The following PDE6A variants were observed in gnomAD, a reference collection of about 807,000 sequenced individuals.
PDE6A encodes the protein phosphodiesterase 6A.
PDE6A carries 84 observed loss-of-function variants against 106.3 expected under a neutral mutation model. The ratio of observed to expected loss-of-function variants is 0.79; its 90% CI spans 0.66 to 0.95. The LOEUF is 0.95. PDE6A is among the 40% of genes least tolerant of loss of function. PDE6A has a pLI of 0.00. For synonymous variants in PDE6A, 394 were observed against 386.6 expected (o/e 1.02, Z -0.23); for missense variants, 1,052 against 1,084.9 (o/e 0.97, Z 0.43).
rs1489626798 is a variant in PDE6A, at chr5:149,899,535, A to C, written c.1114-11T>G. The stretch of plus-strand genomic sequence containing the variant: ...ATCCAGAGGTTCTTTCTACAAGAGA[A>C]GGGCTAGATTAGGTTTCCTCTTGTT... On this transcript the variant is annotated splice_polypyrimidine_tract_variant and intron_variant, in intron 8 of 21. Coordinates refer to ENST00000255266, the MANE Select transcript of PDE6A (RefSeq NM_000440.3). 1.2e-6 allele frequency: 2 copies of C among 1,613,830 alleles called. No homozygotes were observed. Among genetic ancestry groups the C allele is most frequent in the South Asian group, 2.2e-5 (2 of 91,076 alleles).
At chr5:149,871,123 T>C (rs1250860226) in intron 17 of PDE6A, among the ~76,000 whole-genome samples, 1 of 152,124 alleles carries the variant, frequency 6.6e-6, no homozygotes, top group Non-Finnish European at 1.5e-5. Flanking sequence ...ACCTTTAATA[T>C]GATGCTATTA....
chr5:149,937,603 C>T (rs1276586523), intron 1 of PDE6A, among the ~76,000 whole-genome samples: 1 of 152,132 alleles, frequency 6.6e-6, no homozygotes. Context: ...GTCCTGAACA[C>T]CTGGGCTCAA....
At chr5:149,915,642 C>T (rs886448014) in intron 5 of PDE6A, among the ~76,000 whole-genome samples, 1 of 152,136 alleles carries the variant, frequency 6.6e-6, no homozygotes, top group South Asian at 2.1e-4. Context: ...GATAGGAAAT[C>T]CTCTAAGAGG....
At chr5:149,929,421 A>G (rs933333683) in intron 4 of PDE6A, among the ~76,000 whole-genome samples, 9 of 152,150 alleles carry the variant, frequency 5.9e-5, no homozygotes, top group African/African-American at 2.2e-4. Context: ...CCTGGCTAAA[A>G]CAGTGAAACC....
At chr5:149,874,421 G>T (rs548106733) in intron 17 of PDE6A, among the ~76,000 whole-genome samples, 1 of 152,266 alleles carries the variant, frequency 6.6e-6, no homozygotes, top group Admixed American at 6.5e-5. Context: ...TATTATAAAG[G>T]TTACAGCTCA....
chr5:149,882,288 C>T (rs1223631414), intron 17 of PDE6A, among the ~76,000 whole-genome samples: 1 of 151,894 alleles, frequency 6.6e-6, no homozygotes, highest in Non-Finnish European at 1.5e-5. Flanking sequence ...TCCCAGTGGT[C>T]TCCTCTTCTC....
chr5:149,870,946 G>GAAA (rs1561684651), intron 17 of PDE6A, among the ~76,000 whole-genome samples: 2,950 of 147,828 alleles, frequency 0.02, 94 homozygotes, highest in African/African-American at 0.071. Context: ...GAGAAGAGAA[G>GAAA]AGAAAAGAAA....
At chr5:149,885,566 A>T (rs1752263991) in intron 14 of PDE6A, among the ~76,000 whole-genome samples, 1 of 152,206 alleles carries the variant, frequency 6.6e-6, no homozygotes, top group Non-Finnish European at 1.5e-5. Context: ...ACCACACTAT[A>T]TTAGAAGCAC....
intron 17 of PDE6A, among the ~76,000 whole-genome samples, chr5:149,879,753 A>G (rs1760862199): frequency 6.6e-6 from 1 of 151,780 alleles, no homozygotes; most frequent in African/African-American, 2.4e-5. Flanking sequence ...AAGGACATGA[A>G]CTCAACATTT....
chr5:149,913,910 G>A (rs1753469653), intron 6 of PDE6A, among the ~76,000 whole-genome samples: 1 of 152,200 alleles, frequency 6.6e-6, no homozygotes, highest in African/African-American at 2.4e-5. Context: ...CTACCTAGAT[G>A]CAGGACTGAG....
chr5:149,907,389 C>T lies in PDE6A; in HGVS notation c.999-11G>A. ...TCAGGAGGTGGATTCCTGTGAAGGC[C>T]AAAGACAAAACGGTGACTCTCAGTG... is the stretch of plus-strand genomic sequence containing the variant. On this transcript the variant is annotated splice_polypyrimidine_tract_variant and intron_variant, in intron 6 of 21. Coordinates refer to ENST00000255266, the MANE Select transcript of PDE6A (RefSeq NM_000440.3). The T allele has an allele frequency of 6.2e-7, 1 of 1,612,386 alleles. No homozygotes were observed. The highest frequency in any genetic ancestry group is 8.5e-7 in the Non-Finnish European group (1 of 1,178,442).
rs562463049 is a variant in PDE6A, at chr5:149,931,217, A to G, written c.718-49T>C. 1.2e-4 allele frequency: 187 copies of G among 1,546,716 alleles called. No individual in the cohort carries two copies. In the South Asian group the frequency reaches 1.9e-3, roughly 16 times the overall value. ...CATAGGTTTTGAGGTGCAAAGTAGT[A>G]GCTCACTTAGCTGGAGAATAACAAC... On this transcript the variant is annotated intron_variant, in intron 3 of 21. Transcript: ENST00000255266.
At position 149,944,478 on chromosome 5, in the gene PDE6A, G is replaced by T. The variant is rs149945348; in HGVS notation, c.196C>A (p.Arg66=). The T allele has an allele frequency of 1.2e-6, 2 of 1,614,070 alleles. No homozygotes were observed. The highest frequency in any genetic ancestry group is 1.1e-5 in the South Asian group (1 of 91,080). The change falls in exon 1 of 22, where the codon CGG becomes AGG. Residue 66 remains arginine, a synonymous_variant. Transcript: ENST00000255266. ...EESEIIFDLL[R]DFQENLQTEK... ...GTCTGTAAATTCTCCTGAAAGTCCC[G>T]CAGGAGATCAAAGATGATTTCGCTC... is the stretch of plus-strand genomic sequence containing the variant.
intron 3 of PDE6A, chr5:149,932,380 G>A: frequency 1.4e-6 from 2 of 1,383,952 alleles, no homozygotes; most frequent in Non-Finnish European, 2.1e-6. Flanking sequence ...CTTTCACTTA[G>A]CCTAAGTACA....
At chr5:149,929,233 G>T (rs1392242500) in intron 4 of PDE6A, among the ~76,000 whole-genome samples, 1 of 152,128 alleles carries the variant, frequency 6.6e-6, no homozygotes, top group Admixed American at 6.5e-5. Flanking sequence ...CAGTGGAAAT[G>T]AATAAATACA....
intron 4 of PDE6A, among the ~76,000 whole-genome samples, chr5:149,926,979 CAAAAAAA>C (rs539891462): frequency 1.4e-5 from 1 of 70,450 alleles, no homozygotes; most frequent in Non-Finnish European, 2.9e-5. Flanking sequence ...ACTCCGTCTC[CAAAAAAA>C]AAAAAAAAAA....
Position 149,863,257 on chromosome 5 carries a change from G to A in PDE6A, c.2368C>T (p.Arg790Cys), listed in dbSNP as rs150879429. ...ATTGGGGTGATCTCCTCGTGGAAACGGGAGAATTCCTAGAAGAGAGAGTAT... is the reference window on the plus strand; with the variant it reads ...ATTGGGGTGATCTCCTCGTGGAAACAGGAGAATTCCTAGAAGAGAGAGTAT... ...VCTFVYKEFS[R>C]FHEEITPMLD... Residue 790 changes from arginine to cysteine, a missense_variant, in exon 21 of 22, where the codon CGT (arginine) becomes TGT (cysteine). By Grantham distance (180) the Arg-to-Cys change is radical. Coordinates refer to ENST00000255266, the MANE Select transcript of PDE6A (RefSeq NM_000440.3). The surrounding 1 kb of genome is among the most constrained non-coding windows in gnomAD (Gnocchi z 4.7). The A allele has an allele frequency of 6.9e-5, 111 of 1,614,016 alleles. No individual in the cohort carries two copies. Among genetic ancestry groups the A allele is most frequent in the Middle Eastern group, 1.6e-4 (1 of 6,084 alleles).
At chr5:149,932,241 A>T in intron 3 of PDE6A, 1 of 1,402,892 alleles carries the variant, frequency 7.1e-7, no homozygotes, top group Non-Finnish European at 1.0e-6. Flanking sequence ...ATCATTTCTG[A>T]CCAGCTGTCC....
chr5:149,906,548 T>C, intron 7 of PDE6A, among the ~76,000 whole-genome samples: 1 of 59,186 alleles, frequency 1.7e-5, no homozygotes, highest in Non-Finnish European at 4.6e-5. Context: ...ATCCCACCTT[T>C]TAGACAAGGC....
Sources: allele counts gnomAD v4.1 joint callset (sites outside exome capture counted in the v4.1 genomes callset), GRCh38; gene constraint gnomAD v4.1.1; non-coding constraint Gnocchi (gnomAD v3.1); transcripts MANE v1.5; gene names NCBI Gene and HGNC (gene_info 2026-07-23, HGNC 2026-07-21).